Variants in LRRC7 observed in about 807,000 individuals in gnomAD.
The protein encoded by LRRC7 is leucine-rich repeat-containing protein 7.
LRRC7 carries 23 observed loss-of-function variants against 175.7 expected under a neutral mutation model. That is an observed-to-expected ratio of 0.13 (90% CI 0.09 to 0.19). LRRC7 has a LOEUF of 0.19. LRRC7 is among the 10% of genes least tolerant of loss of function. The probability of loss-of-function intolerance (pLI) is 1.00; values close to 1 mark genes in which losing one functional copy is unlikely to be tolerated. For missense variants in LRRC7, 1,354 were observed against 1,904.7 expected (o/e 0.71, Z 5.38); for synonymous variants, 685 against 680.9 (o/e 1.01, Z -0.09).
intron 12 of LRRC7, among the ~76,000 whole-genome samples, chr1:70,012,593 A>G (rs1387050318): frequency 1.3e-5 from 2 of 151,826 alleles, no homozygotes; most frequent in Non-Finnish European, 1.5e-5. Context: ...AACTTTGCCT[A>G]GGAAATGTCA....
intron 1 of LRRC7, among the ~76,000 whole-genome samples, chr1:69,641,338 CT>C (rs1410699607): frequency 6.6e-6 from 1 of 151,490 alleles, no homozygotes; most frequent in Admixed American, 6.6e-5. Context: ...TTAAGTTTGT[CT>C]TCTATTTTCT....
chr1:69,772,753 G>A (rs1672377351), intron 3 of LRRC7, among the ~76,000 whole-genome samples: 2 of 152,144 alleles, frequency 1.3e-5, no homozygotes, highest in Admixed American at 6.6e-5. Context: ...TGGGAGATAG[G>A]AGATTAGGAT....
chr1:70,050,913 A>G (rs1660699630), intron 22 of LRRC7, among the ~76,000 whole-genome samples: 1 of 151,994 alleles, frequency 6.6e-6, no homozygotes, highest in Non-Finnish European at 1.5e-5. Flanking sequence ...GAGTATTCTT[A>G]AAAGGAAATT....
chr1:69,994,361 TTGA>T (rs1654730247), intron 10 of LRRC7, among the ~76,000 whole-genome samples, 197 bp from the exon 11 acceptor site: 1 of 152,154 alleles, frequency 6.6e-6, no homozygotes, highest in Non-Finnish European at 1.5e-5. Context: ...TGAACTGTCA[TTGA>T]TGTATGCAAC....
At chr1:70,009,501 C>T (rs767596501) in intron 11 of LRRC7, among the ~76,000 whole-genome samples, 5 of 151,722 alleles carry the variant, frequency 3.3e-5, no homozygotes, top group Non-Finnish European at 5.9e-5. Context: ...AAATGAGGGG[C>T]CTCAAAGGAT....
intron 18 of LRRC7, among the ~76,000 whole-genome samples, chr1:70,032,985 G>A (rs1658920604): frequency 6.6e-6 from 1 of 152,176 alleles, no homozygotes; most frequent in African/African-American, 2.4e-5. Context: ...GCCCGTAGAA[G>A]TAGTCCCCAA....
At chr1:69,582,766 G>C (rs1479099560) in intron 1 of LRRC7, among the ~76,000 whole-genome samples, 1 of 152,106 alleles carries the variant, frequency 6.6e-6, no homozygotes, top group Non-Finnish European at 1.5e-5. Context: ...GGCAGTAATG[G>C]ATATCCACCA....
intron 8 of LRRC7, among the ~76,000 whole-genome samples, chr1:69,965,522 A>G (rs1269941998): frequency 1.3e-5 from 2 of 152,168 alleles, no homozygotes; most frequent in Non-Finnish European, 2.9e-5. Flanking sequence ...ATGAATTGCC[A>G]TTAAGAATAT....
intron 25 of LRRC7, among the ~76,000 whole-genome samples, chr1:70,096,306 A>G (rs773576196): frequency 1.2e-4 from 18 of 152,180 alleles, no homozygotes; most frequent in Non-Finnish European, 2.4e-4. Flanking sequence ...CATTAGCTTT[A>G]CAATATAAAT....
intron 1 of LRRC7, among the ~76,000 whole-genome samples, chr1:69,584,279 TCTAGAAGACTTGGAAGTTTTA>T (rs143040834): frequency 0.011 from 1,666 of 152,232 alleles, 34 homozygotes; most frequent in African/African-American, 0.038. Flanking sequence ...GGTCTTCTAT[TCTAGAAGACTTGGAAGTTTTA>T]CTACTCTTTG....
intron 1 of LRRC7, among the ~76,000 whole-genome samples, chr1:69,579,892 C>T (rs2100912502): frequency 6.6e-6 from 1 of 151,620 alleles, no homozygotes. Flanking sequence ...CCTTCGCCTC[C>T]CAAAGTGTTG....
chr1:70,101,011 T>C (rs1458273099), intron 25 of LRRC7, among the ~76,000 whole-genome samples: 1 of 152,194 alleles, frequency 6.6e-6, no homozygotes, highest in African/African-American at 2.4e-5. Flanking sequence ...TCAAGTGTTC[T>C]AATAATCATA....
At chr1:70,077,768 G>A (rs1170509929) in intron 24 of LRRC7, among the ~76,000 whole-genome samples, 1 of 152,136 alleles carries the variant, frequency 6.6e-6, no homozygotes, top group Non-Finnish European at 1.5e-5. Flanking sequence ...AAGTTTTAAA[G>A]TTTACACATG....
intron 23 of LRRC7, among the ~76,000 whole-genome samples, chr1:70,062,205 A>G (rs1009047712): frequency 1.4e-4 from 21 of 152,164 alleles, no homozygotes; most frequent in African/African-American, 4.8e-4. Flanking sequence ...TTGTTTTGGT[A>G]TGGTCTTTAT....
intron 5 of LRRC7, among the ~76,000 whole-genome samples, chr1:69,832,310 A>T (rs11209552): frequency 6.6e-6 from 1 of 151,780 alleles, no homozygotes; most frequent in African/African-American, 2.4e-5. Context: ...CATTAATTCC[A>T]TGGAACTTGG....
intron 8 of LRRC7, among the ~76,000 whole-genome samples, chr1:69,960,982 G>A (rs1254896499): frequency 1.3e-5 from 2 of 152,066 alleles, no homozygotes; most frequent in Non-Finnish European, 2.9e-5. Flanking sequence ...TTCTGGCTGG[G>A]GCAATCAGGC....
chr1:69,833,505 T>G (rs113347984), intron 5 of LRRC7, among the ~76,000 whole-genome samples: 1 of 152,248 alleles, frequency 6.6e-6, no homozygotes, highest in South Asian at 2.1e-4. Flanking sequence ...TATACGTATA[T>G]GTACGTACAC....
intron 6 of LRRC7, among the ~76,000 whole-genome samples, chr1:69,837,013 G>T (rs1334764049): frequency 6.6e-6 from 1 of 151,832 alleles, no homozygotes; most frequent in Non-Finnish European, 1.5e-5. Context: ...ATTAATATCT[G>T]TTCTAAAGTA....
At chr1:69,799,141 G>A (rs1315019633) in intron 4 of LRRC7, among the ~76,000 whole-genome samples, 1 of 127,712 alleles carries the variant, frequency 7.8e-6, no homozygotes, top group Non-Finnish European at 1.6e-5. Flanking sequence ...TACAAATATT[G>A]TCTCCCAATT....
Sources: allele counts gnomAD v4.1 joint callset (sites outside exome capture counted in the v4.1 genomes callset), GRCh38; gene constraint gnomAD v4.1.1; transcripts MANE v1.5; gene names NCBI Gene and HGNC (gene_info 2026-07-23, HGNC 2026-07-21).